Variants in L3MBTL4 observed in about 807,000 individuals in gnomAD.
L3MBTL4 encodes L3MBTL histone methyl-lysine binding protein 4.
L3MBTL4 carries 70 observed loss-of-function variants against 84.5 expected under a neutral mutation model. The observed-to-expected ratio is 0.83, with a 90% CI of 0.68 to 1.01. L3MBTL4 has a LOEUF of 1.01. Ranked by LOEUF, L3MBTL4 falls within the 50% of genes least tolerant of loss-of-function variation. The probability of loss-of-function intolerance (pLI) is 0.00; values close to 1 mark genes in which losing one functional copy is unlikely to be tolerated. For synonymous variants in L3MBTL4, 274 were observed against 259.8 expected (o/e 1.05, Z -0.52); for missense variants, 715 against 754.8 (o/e 0.95, Z 0.62).
intron 16 of L3MBTL4, among the ~76,000 whole-genome samples, chr18:6,029,227 T>G (rs1206231098): frequency 6.6e-6 from 1 of 152,158 alleles, no homozygotes; most frequent in Non-Finnish European, 1.5e-5. Context: ...TAGAGGGTTC[T>G]TGCTGGCCAC....
At position 6,414,165 on chromosome 18, in the gene L3MBTL4, G is replaced by T. The variant is rs1210093087; in HGVS notation, c.-91+636C>A. On this transcript the variant is annotated intron_variant, in intron 1 of 18. Transcript: ENST00000317931. The surrounding 1 kb of genome is among the most constrained non-coding windows in gnomAD (Gnocchi z 5.4). The stretch of plus-strand genomic sequence containing the variant: ...GCCTGAGAGCCGCCGTCCCAGGCTG[G>T]CCAGGCGCCCGCCCGCCCTGCGCGC... 1 of 152,244 alleles carries T rather than the reference G, an allele frequency of 6.6e-6. No individual in the cohort carries two copies. Among genetic ancestry groups the T allele is most frequent in the African/African-American group, 2.4e-5 (1 of 41,428 alleles). The allele number at this position is 152,244 out of a possible 1,614,324, so 9.4% of individuals were successfully genotyped here.
chr18:6,045,430 C>T (rs1003343607), intron 16 of L3MBTL4, among the ~76,000 whole-genome samples: 4 of 151,964 alleles, frequency 2.6e-5, no homozygotes, highest in African/African-American at 7.2e-5. Context: ...ATACCTGAGA[C>T]TGGGCAATTT....
intron 1 of L3MBTL4, among the ~76,000 whole-genome samples, chr18:6,337,948 A>C (rs984444427): frequency 6.6e-6 from 1 of 152,074 alleles, no homozygotes; most frequent in African/African-American, 2.4e-5. Context: ...AATAAGACAT[A>C]GAGCTGACTT....
intron 1 of L3MBTL4, among the ~76,000 whole-genome samples, chr18:6,364,016 T>TG (rs1184622892): frequency 6.6e-6 from 1 of 152,140 alleles, no homozygotes; most frequent in African/African-American, 2.4e-5. Flanking sequence ...CAAGGGCTCC[T>TG]GGGGGTCTCT....
chr18:6,108,096 A>G (rs1263205235), intron 14 of L3MBTL4, among the ~76,000 whole-genome samples: 1 of 151,914 alleles, frequency 6.6e-6, no homozygotes, highest in African/African-American at 2.4e-5. Context: ...GAGCAAGGAG[A>G]CTCTCAGCCC....
At chr18:6,405,237 T>C (rs1343926533) in intron 1 of L3MBTL4, among the ~76,000 whole-genome samples, 2 of 152,090 alleles carry the variant, frequency 1.3e-5, no homozygotes, top group African/African-American at 2.4e-5. Context: ...ACGTAAACAA[T>C]AGGGAAATAA....
intron 16 of L3MBTL4, among the ~76,000 whole-genome samples, chr18:5,998,459 G>A (rs550668374): frequency 4.6e-5 from 7 of 152,300 alleles, no homozygotes; most frequent in African/African-American, 7.2e-5. Flanking sequence ...TCCTGGAGGG[G>A]CCCTTCAGGA....
At chr18:6,380,588 CG>C (rs2054558402) in intron 1 of L3MBTL4, among the ~76,000 whole-genome samples, 1 of 152,056 alleles carries the variant, frequency 6.6e-6, no homozygotes, top group Non-Finnish European at 1.5e-5. Context: ...AGTAGTCATT[CG>C]GGAGCAGGTT....
intron 10 of L3MBTL4, among the ~76,000 whole-genome samples, chr18:6,218,568 C>G (rs498904): frequency 6.6e-6 from 1 of 152,212 alleles, no homozygotes; most frequent in African/African-American, 2.4e-5. Context: ...AGTCACTATC[C>G]TTCTTCCCCT....
chr18:6,271,615 T>G (rs9955414), intron 4 of L3MBTL4, among the ~76,000 whole-genome samples: 13,091 of 152,092 alleles, frequency 0.086, 1,817 homozygotes, highest in African/African-American at 0.29. Flanking sequence ...TAATAATCTG[T>G]AAAAAACACA....
intron 16 of L3MBTL4, among the ~76,000 whole-genome samples, chr18:6,075,329 C>G (rs1568073590): frequency 6.6e-6 from 1 of 152,012 alleles, no homozygotes; most frequent in Non-Finnish European, 1.5e-5. Flanking sequence ...ACAAGAATAG[C>G]CAAGTAAACC....
intron 1 of L3MBTL4, among the ~76,000 whole-genome samples, chr18:6,345,345 C>T (rs1188864576): frequency 6.6e-6 from 1 of 151,600 alleles, no homozygotes; most frequent in East Asian, 1.9e-4. Context: ...TGCAGTGAGC[C>T]GAGATGGTGC....
chr18:6,135,628 AAG>A (rs201123251), intron 14 of L3MBTL4, among the ~76,000 whole-genome samples: 7,930 of 152,186 alleles, frequency 0.052, 690 homozygotes, highest in African/African-American at 0.18. Flanking sequence ...AAAACATAAC[AAG>A]AGTCACCTTT....
rs2054289063 is a variant in L3MBTL4 at position 6,003,056 on chromosome 18, TAGTATCTCTATTTATAGAGATACTATATA to T, written c.1445-33523_1445-33495del. Among the ~76,000 whole-genome samples the T allele has an allele frequency of 2.6e-5, 3 of 114,258 alleles. No individual in the cohort carries two copies. The South Asian group carries it at 7.5e-4, about 29-fold the overall frequency. The allele number at this position is 114,258 out of a possible 152,430, so 75.0% of individuals were successfully genotyped here. The stretch of plus-strand genomic sequence containing the variant: ...ATTTATAGAGATACTATATAAAATA[TAGTATCTCTATTTATAGAGATACTATATA>T]AAATATAGTATCTCTATTTATAGAG... On this transcript the variant is annotated intron_variant, in intron 16 of 18. Coordinates refer to ENST00000317931, the MANE Select transcript of L3MBTL4 (RefSeq NM_001330559.2).
chr18:6,375,328 C>T (rs1264055047), intron 1 of L3MBTL4, among the ~76,000 whole-genome samples: 1 of 152,134 alleles, frequency 6.6e-6, no homozygotes, highest in African/African-American at 2.4e-5. Context: ...GCTTCTGAGG[C>T]ACCTCCTGAC....
Position 6,171,854 on chromosome 18 carries a change from G to A in L3MBTL4, c.1070C>T (p.Thr357Ile). Residue 357 changes from threonine (T) to isoleucine (I), a missense_variant, in exon 13 of 19, where the codon ACA (threonine) becomes ATA (isoleucine). By Grantham distance (89) the Thr-to-Ile change is moderately conservative. Coordinates refer to ENST00000317931, the MANE Select transcript of L3MBTL4 (RefSeq NM_001330559.2). ...DIHPIGWCDVTGHPLEVPQRT... is the reference protein window; with the variant it reads ...DIHPIGWCDVIGHPLEVPQRT... Reference sequence around the variant, plus strand: ...CTGTGGCACTTCCAGTGGATGCCCTGTGACATCACACCATCCGATCGGGTG... The same window carrying A: ...CTGTGGCACTTCCAGTGGATGCCCTATGACATCACACCATCCGATCGGGTG... 1 of 1,551,006 alleles carries A rather than the reference G, an allele frequency of 6.4e-7. No homozygotes were observed. The highest frequency in any genetic ancestry group is 8.7e-7 in the Non-Finnish European group (1 of 1,145,940).
At position 6,264,015 on chromosome 18, in the gene L3MBTL4, C is replaced by A. The variant is rs201234226; in HGVS notation, c.151G>T (p.Ala51Ser). The A allele has an allele frequency of 1.6e-5, 26 of 1,613,792 alleles. 1 individual carries two copies. Among genetic ancestry groups the A allele is most frequent in the Middle Eastern group, 3.3e-4 (2 of 6,060 alleles). ...SHVPSAAAQGAWSWEWYLKEQ... is the reference protein window; with the variant it reads ...SHVPSAAAQGSWSWEWYLKEQ... ...TTCAAGTACCACTCCCAAGACCATG[C>A]TCCCTGTGCAGCCGCTGAAGGGACT... The change falls in exon 5 of 19, where the codon GCA becomes TCA. Residue 51 changes from alanine (A) to serine (S), a missense_variant. Physicochemically the swap from Ala to Ser is moderately conservative, Grantham distance 99. Transcript: ENST00000317931.
At chr18:6,387,796 G>C (rs1396112631) in intron 1 of L3MBTL4, among the ~76,000 whole-genome samples, 2 of 152,300 alleles carry the variant, frequency 1.3e-5, no homozygotes, top group African/African-American at 4.8e-5. Context: ...TGATGAGTAG[G>C]GAGCCAAAGA....
intron 16 of L3MBTL4, among the ~76,000 whole-genome samples, chr18:5,972,854 G>C (rs1052823596): frequency 1.1e-5 from 1 of 87,808 alleles, no homozygotes; most frequent in Admixed American, 1.1e-4. Flanking sequence ...ACAAAAAATA[G>C]AATAGTATAG....
Sources: allele counts gnomAD v4.1 joint callset (sites outside exome capture counted in the v4.1 genomes callset), GRCh38; gene constraint gnomAD v4.1.1; non-coding constraint Gnocchi (gnomAD v3.1); transcripts MANE v1.5; gene names NCBI Gene and HGNC (gene_info 2026-07-23, HGNC 2026-07-21).